The following SNCAIP variants were observed in gnomAD, a reference collection of about 807,000 sequenced individuals.
SNCAIP encodes the protein synuclein alpha interacting protein.
SNCAIP carries 43 observed loss-of-function variants against 86.7 expected under a neutral mutation model. The observed-to-expected ratio is 0.50, with a 90% CI of 0.39 to 0.64. SNCAIP has a LOEUF of 0.64. Among genes scored for constraint, SNCAIP ranks in the 30% least tolerant of loss-of-function variants. SNCAIP has a pLI of 0.00. For missense variants in SNCAIP, 981 were observed against 1,103.1 expected, an observed-to-expected ratio of 0.89 and a Z score of 1.57; for synonymous variants, 417 against 427.2, an observed-to-expected ratio of 0.98 and a Z score of 0.29.
Position 122,423,553 on chromosome 5 carries a change from G to C in SNCAIP, c.816G>C (p.Glu272Asp). 1 of 1,614,174 alleles carries C rather than the reference G, an allele frequency of 6.2e-7. No individual in the cohort carries two copies. Among genetic ancestry groups the C allele is most frequent in the Non-Finnish European group, 8.5e-7 (1 of 1,180,022 alleles). Reference protein sequence around the residue: ...TFSDPHGRKVEKTTPDCQLRA... With the variant: ...TFSDPHGRKVDKTTPDCQLRA... ...GTGATCCTCATGGTCGAAAAGTTGA[G>C]AAGACAACACCAGACTGCCAGCTCA... Residue 272 changes from glutamate to aspartate, a missense_variant, in exon 4 of 11, where the codon GAG (glutamate) becomes GAC (aspartate). Transcript: ENST00000261368.
At chr5:122,337,117 C>T (rs535426861) in intron 1 of SNCAIP, among the ~76,000 whole-genome samples, 1 of 152,140 alleles carries the variant, frequency 6.6e-6, no homozygotes, top group South Asian at 2.1e-4. Flanking sequence ...GCTTGATTCC[C>T]CCTCCAATGG....
chr5:122,427,755 G>T (rs1239359011), intron 5 of SNCAIP, among the ~76,000 whole-genome samples: 1 of 151,978 alleles, frequency 6.6e-6, no homozygotes, highest in Non-Finnish European at 1.5e-5. Context: ...AGACAAAGTT[G>T]GTACAAATGT....
At chr5:122,418,934 A>T (rs959179858) in intron 3 of SNCAIP, among the ~76,000 whole-genome samples, 1 of 152,146 alleles carries the variant, frequency 6.6e-6, no homozygotes, top group Non-Finnish European at 1.5e-5. Context: ...ACTGTGGGAG[A>T]GGATGCCAGT....
chr5:122,361,930 A>G (rs77560190), intron 1 of SNCAIP, among the ~76,000 whole-genome samples: 203 of 152,326 alleles, frequency 1.3e-3, no homozygotes, highest in African/African-American at 4.6e-3. Flanking sequence ...AGAATGATCC[A>G]TTTTCTACTC....
chr5:122,423,877 T>G lies in SNCAIP; in HGVS notation c.1002+138T>G, dbSNP rs146643098. 61 of 722,146 alleles carry G rather than the reference T, an allele frequency of 8.4e-5. No homozygotes were observed. In the African/African-American group the frequency reaches 9.7e-4, roughly 12 times the overall value. 44.7% of individuals were successfully genotyped at this position (722,146 alleles called of 1,614,324 possible). ...TTTACTTGTGGCTTTAGTTGGGAGA[T>G]GTGACCTTTTGAGTTTTAAAATAAG... On this transcript the variant is annotated intron_variant, in intron 4 of 10. Coordinates refer to ENST00000261368, the MANE Select transcript of SNCAIP (RefSeq NM_005460.4).
At chr5:122,427,963 A>G (rs1418705750) in intron 5 of SNCAIP, among the ~76,000 whole-genome samples, 1 of 152,180 alleles carries the variant, frequency 6.6e-6, no homozygotes, top group African/African-American at 2.4e-5. Context: ...CACTTCTGGG[A>G]TACCCAAGAG....
intron 1 of SNCAIP, among the ~76,000 whole-genome samples, chr5:122,337,434 A>G (rs893365173): frequency 1.3e-5 from 2 of 152,194 alleles, no homozygotes; most frequent in African/African-American, 2.4e-5. Flanking sequence ...ACCGAGAGAA[A>G]TAGTTACCTG....
chr5:122,444,874 A>G, intron 8 of SNCAIP, 142 bp downstream of exon 8: 6 of 780,038 alleles, frequency 7.7e-6, no homozygotes, highest in Non-Finnish European at 6.6e-6. Flanking sequence ...TCTTCCATCC[A>G]AAGTCCTCAC....
chr5:122,430,456 C>G (rs954646009), intron 5 of SNCAIP, among the ~76,000 whole-genome samples: 17 of 152,170 alleles, frequency 1.1e-4, no homozygotes, highest in Non-Finnish European at 7.4e-5. Flanking sequence ...GAGGTAGTTA[C>G]TATTATCCCT....
At chr5:122,448,352 C>T (rs978726658) in intron 8 of SNCAIP, among the ~76,000 whole-genome samples, 23 of 151,598 alleles carry the variant, frequency 1.5e-4, no homozygotes, top group African/African-American at 4.9e-4. Context: ...TTCTGTGGGT[C>T]AAGCCAAGCT....
intron 3 of SNCAIP, among the ~76,000 whole-genome samples, chr5:122,413,093 A>T (rs1774492953): frequency 6.6e-6 from 1 of 152,112 alleles, no homozygotes; most frequent in Admixed American, 6.5e-5. Flanking sequence ...AGCTGCTGAG[A>T]GCTCCCTCTC....
intron 1 of SNCAIP, chr5:122,323,412 G>A (rs561451743): frequency 6.6e-6 from 1 of 152,346 alleles, no homozygotes; most frequent in Non-Finnish European, 1.5e-5. Context: ...GAAAGTTACA[G>A]ATTGATTTGG....
At chr5:122,326,915 T>C (rs1422757406) in intron 1 of SNCAIP, among the ~76,000 whole-genome samples, 1 of 150,456 alleles carries the variant, frequency 6.6e-6, no homozygotes, top group Admixed American at 6.6e-5. Context: ...GAGTGGACAC[T>C]TAACATATAT....
chr5:122,371,856 G>C (rs1222222238), intron 1 of SNCAIP: 1 of 152,164 alleles, frequency 6.6e-6, no homozygotes. Flanking sequence ...GCTGGCTCAA[G>C]TTGGTGTTAA....
intron 1 of SNCAIP, among the ~76,000 whole-genome samples, chr5:122,326,255 C>T (rs901401616): frequency 6.6e-6 from 1 of 152,124 alleles, no homozygotes; most frequent in Non-Finnish European, 1.5e-5. Flanking sequence ...CATTCTAATG[C>T]TTGTGTAGTA....
intron 6 of SNCAIP, among the ~76,000 whole-genome samples, chr5:122,434,403 A>G (rs1778984765): frequency 6.6e-6 from 1 of 152,160 alleles, no homozygotes; most frequent in African/African-American, 2.4e-5. Context: ...CTCTCACAGC[A>G]GGTTTCTCAT....
At chr5:122,360,922 A>C (rs1762075850) in intron 1 of SNCAIP, among the ~76,000 whole-genome samples, 1 of 152,178 alleles carries the variant, frequency 6.6e-6, no homozygotes, top group Non-Finnish European at 1.5e-5. Context: ...AACACACTAA[A>C]AAGTTAAGCC....
chr5:122,423,723 G>T lies in SNCAIP; in HGVS notation c.986G>T (p.Gly329Val), dbSNP rs1561735119. The change falls in exon 4 of 11, where the codon GGA (glycine) becomes GTA (valine). Residue 329 changes from glycine (G) to valine (V), a missense_variant. Coordinates refer to ENST00000261368, the MANE Select transcript of SNCAIP (RefSeq NM_005460.4). ...VKSILNIVKE[G>V]QISLLPHLAA... ...AGCATCTTGAACATTGTTAAAGAAG[G>T]ACAGATCTCTCTCCTGGTAAGTATA... 1 of 1,601,154 alleles carries T rather than the reference G, an allele frequency of 6.2e-7. No individual in the cohort carries two copies. The highest frequency in any genetic ancestry group is 1.1e-5 in the South Asian group (1 of 91,004).
At chr5:122,434,915 G>A (rs1478373) in intron 6 of SNCAIP, among the ~76,000 whole-genome samples, 5,965 of 152,210 alleles carry the variant, frequency 0.039, 212 homozygotes, top group East Asian at 0.091. Context: ...AATGCCCCTG[G>A]AAAGGATAGT....
Sources: allele counts gnomAD v4.1 joint callset (sites outside exome capture counted in the v4.1 genomes callset), GRCh38; gene constraint gnomAD v4.1.1; transcripts MANE v1.5; gene names NCBI Gene and HGNC (gene_info 2026-07-23, HGNC 2026-07-21).